Variants in NBEAL1 observed in about 807,000 individuals in gnomAD.
NBEAL1 encodes the protein neurobeachin like 1, also known as neurobeachin-like protein 1.
In NBEAL1, 273 loss-of-function variants were observed where a neutral mutation model predicts 351.3. That is an observed-to-expected ratio of 0.78 (90% CI 0.70 to 0.86). The LOEUF is 0.86. NBEAL1 is among the 40% of genes least tolerant of loss of function. The pLI is 0.00. For missense variants in NBEAL1, 2,961 were observed against 3,201.3 expected, an observed-to-expected ratio of 0.92 and a Z score of 1.81; for synonymous variants, 1,050 against 1,086.4, an observed-to-expected ratio of 0.97 and a Z score of 0.66.
chr2:203,158,707 T>C (rs973383329), intron 36 of NBEAL1, among the ~76,000 whole-genome samples: 1 of 152,088 alleles, frequency 6.6e-6, no homozygotes, highest in Non-Finnish European at 1.5e-5. Flanking sequence ...TCAAGTATCA[T>C]ACTTGTGCAC....
intron 8 of NBEAL1, among the ~76,000 whole-genome samples, chr2:203,079,843 T>C (rs999039149): frequency 6.6e-6 from 1 of 152,164 alleles, no homozygotes; most frequent in Non-Finnish European, 1.5e-5. Flanking sequence ...AATGCTTAGA[T>C]ATTTATTTGA....
intron 18 of NBEAL1, among the ~76,000 whole-genome samples, chr2:203,120,477 A>C (rs922341114): frequency 2.0e-5 from 3 of 152,206 alleles, no homozygotes; most frequent in African/African-American, 7.2e-5. Flanking sequence ...AATCATAAAG[A>C]AGATGGTATC....
chr2:203,089,971 G>A (rs765034287), intron 10 of NBEAL1, among the ~76,000 whole-genome samples: 5 of 152,084 alleles, frequency 3.3e-5, no homozygotes, highest in Non-Finnish European at 5.9e-5. Flanking sequence ...TGAGAAAAAT[G>A]TTTTAAAGTC....
chr2:203,080,304 C>T (rs1015455907), intron 8 of NBEAL1, among the ~76,000 whole-genome samples: 1 of 152,070 alleles, frequency 6.6e-6, no homozygotes, highest in African/African-American at 2.4e-5. Flanking sequence ...CCCTGCTACT[C>T]TGGAGGCTGA....
chr2:203,128,159 A>G (rs566547729), intron 24 of NBEAL1, among the ~76,000 whole-genome samples: 179 of 150,826 alleles, frequency 1.2e-3, no homozygotes, highest in Non-Finnish European at 2.3e-3. Context: ...ATCTCGACTC[A>G]CTGCAACCTC....
intron 15 of NBEAL1, among the ~76,000 whole-genome samples, chr2:203,110,674 A>AAAATAAGTAAAT (rs2062547652): frequency 7.6e-6 from 1 of 130,880 alleles, no homozygotes; most frequent in African/African-American, 2.9e-5. Context: ...ATCCTGTCTC[A>AAAATAAGTAAAT]AAATAAATAA....
chr2:203,188,389 G>C, intron 44 of NBEAL1, 83 bp from the exon 45 acceptor site: 2 of 685,096 alleles, frequency 2.9e-6, no homozygotes, highest in Non-Finnish European at 4.5e-6. Flanking sequence ...TGTTTCATTT[G>C]TCCTTACTTT....
At chr2:203,115,601 A>T (rs528406315) in intron 17 of NBEAL1, among the ~76,000 whole-genome samples, 1 of 146,118 alleles carries the variant, frequency 6.8e-6, no homozygotes, top group East Asian at 2.1e-4. Flanking sequence ...GCTAATTTTG[A>T]TATTTTTTTG....
chr2:203,023,285 C>G (rs570818901), intron 2 of NBEAL1, among the ~76,000 whole-genome samples: 1 of 152,180 alleles, frequency 6.6e-6, no homozygotes, highest in South Asian at 2.1e-4. Flanking sequence ...TTTTCTGTGG[C>G]TTAATAACAG....
chr2:203,199,539 G>C, intron 49 of NBEAL1, 92 bp downstream of exon 49: 3 of 550,068 alleles, frequency 5.5e-6, no homozygotes, highest in Non-Finnish European at 6.1e-6. Flanking sequence ...TATTCTGAAA[G>C]AAATATTTTT....
At chr2:203,167,586 T>C (rs905491283) in intron 38 of NBEAL1, among the ~76,000 whole-genome samples, 2 of 152,196 alleles carry the variant, frequency 1.3e-5, no homozygotes, top group African/African-American at 2.4e-5. Flanking sequence ...TAAAGTAGAA[T>C]TTTTAGTGCC....
chr2:203,136,168 G>A lies in NBEAL1; in HGVS notation c.4305G>A (p.Ser1435=), dbSNP rs767713994. Residue 1435 remains serine (S), a synonymous_variant, in exon 28 of 56, where the codon TCG becomes TCA. Transcript: ENST00000683969. ...STPSPVESTK[S]FSVHSDRESS... ...CATCCCCAGTAGAGTCTACTAAATC[G>A]TTTTCTGTGCACTCTGACAGAGAAA... 3.7e-6 allele frequency: 6 copies of A among 1,613,682 alleles called. No individual in the cohort carries two copies. The highest frequency in any genetic ancestry group is 3.3e-5 in the Admixed American group (2 of 59,950).
intron 12 of NBEAL1, among the ~76,000 whole-genome samples, chr2:203,104,678 C>T (rs999362546): frequency 2.0e-5 from 3 of 152,050 alleles, no homozygotes; most frequent in Non-Finnish European, 2.9e-5. Flanking sequence ...TTGGTAGTGG[C>T]TGGTAATGGT....
chr2:203,163,034 G>A (rs1470391446), intron 36 of NBEAL1, among the ~76,000 whole-genome samples: 3 of 152,204 alleles, frequency 2.0e-5, no homozygotes, highest in Non-Finnish European at 2.9e-5. Context: ...GTGAGTGCCT[G>A]TAATCCCAGC....
At chr2:203,184,672 T>A (rs1394405983) in intron 44 of NBEAL1, among the ~76,000 whole-genome samples, 2 of 151,490 alleles carry the variant, frequency 1.3e-5, no homozygotes, top group African/African-American at 4.8e-5. Flanking sequence ...ATTTATAAAA[T>A]AAGTATATAT....
intron 14 of NBEAL1, among the ~76,000 whole-genome samples, chr2:203,109,036 T>C (rs960078702): frequency 2.0e-5 from 3 of 152,050 alleles, no homozygotes; most frequent in Admixed American, 2.0e-4. Context: ...AGCAAGATTG[T>C]CTCACACACA....
At chr2:203,206,206 C>T (rs576361299) in intron 51 of NBEAL1, among the ~76,000 whole-genome samples, 4 of 152,210 alleles carry the variant, frequency 2.6e-5, no homozygotes, top group African/African-American at 9.6e-5. Context: ...ACGAAGGTTG[C>T]AGAAGAATCA....
chr2:203,107,157 A>G lies in NBEAL1; in HGVS notation c.1270-263A>G, dbSNP rs573613321. ...TCATATGCCCTAATCTGCAAATAAT[A>G]TAATAATTCTATAACACAGTTATTG... On this transcript the variant is annotated intron_variant, in intron 12 of 55. Coordinates refer to ENST00000683969, the MANE Select transcript of NBEAL1 (RefSeq NM_001378026.1). 2.1e-4 allele frequency among the ~76,000 whole-genome samples: 32 copies of G among 152,320 alleles called. 1 individual carries two copies. The South Asian group carries it at 6.6e-3, about 32-fold the overall frequency.
In NBEAL1 at chr2:203,199,433, T is replaced by A. The variant is rs1165930870; in HGVS notation, c.7224T>A (p.Thr2408=). The part of the protein sequence containing the change: ...SNYFTFIKDQ[T]VTNPKTQRSI... ...ACTTTACATTCATCAAGGATCAAAC[T>A]GTGACAAATCCAAAGTAAGTAAATG... Residue 2408 remains threonine, a synonymous_variant, in exon 49 of 56, where the codon ACT becomes ACA. Coordinates refer to ENST00000683969, the MANE Select transcript of NBEAL1 (RefSeq NM_001378026.1). 1 of 1,585,572 alleles carries A rather than the reference T, an allele frequency of 6.3e-7. No individual in the cohort carries two copies. Among genetic ancestry groups the A allele is most frequent in the South Asian group, 1.1e-5 (1 of 89,696 alleles).
Sources: gnomAD v4.1 joint callset for allele counts (sites outside exome capture counted in the v4.1 genomes callset) on GRCh38, gnomAD v4.1.1 for gene constraint, MANE v1.5 for transcripts, NCBI Gene and HGNC (gene_info 2026-07-23, HGNC 2026-07-21) for gene names.